COX18: variants seen among roughly 807,000 people sequenced by gnomAD.
COX18 encodes cytochrome c oxidase assembly protein COX18, mitochondrial.
In COX18, 45 loss-of-function variants were observed where a neutral mutation model predicts 38.0. The ratio of observed to expected loss-of-function variants is 1.18; its 90% CI spans 0.93 to 1.52. The LOEUF is 1.52. Among genes scored for constraint, COX18 ranks in the 40% most tolerant of loss-of-function variants. COX18 has a pLI of 0.00. For synonymous variants in COX18, 177 were observed against 169.8 expected (o/e 1.04, Z -0.33); for missense variants, 462 against 423.8 (o/e 1.09, Z -0.79).
intron 2 of COX18, among the ~76,000 whole-genome samples, chr4:73,066,361 G>A (rs112216433): frequency 6.8e-4 from 103 of 152,228 alleles, no homozygotes; most frequent in African/African-American, 1.3e-3. Flanking sequence ...CTGACACACC[G>A]TCTTTTACCC....
chr4:73,068,774 C>T (rs980571263), intron 1 of COX18: 3 of 153,310 alleles, frequency 2.0e-5, no homozygotes, highest in Non-Finnish European at 2.9e-5. Context: ...GAAGGTACTG[C>T]TAGCCTGATT....
rs1446064375 is a variant in COX18 at position 73,053,497 on chromosome 4, G to C, written c.*4617C>G. 6.6e-6 allele frequency: 1 copy of C among 152,214 alleles called. No homozygotes were observed. 9.4% of individuals were successfully genotyped at this position (152,214 alleles called of 1,614,324 possible). Reference sequence around the variant, plus strand: ...TGTGCTAGGAGATAAATTACCTGCTGTAACTGCCCCAGGTGTGCCTGCCCA... The same window carrying C: ...TGTGCTAGGAGATAAATTACCTGCTCTAACTGCCCCAGGTGTGCCTGCCCA... On this transcript the variant is annotated 3_prime_UTR_variant, in exon 6 of 6. Transcript: ENST00000507544.
At position 73,065,269 on chromosome 4, in the gene COX18, C is replaced by T. The variant is rs569913631; in HGVS notation, c.579G>A (p.Thr193=). ...AATTACCTTCTGAATGTGCTGCCCC[C>T]GTGCTTAAATTCCGGAGAGCAAAAG... The part of the protein sequence containing the change: ...FMSFALRNLS[T]GAAHSEAGFS... The change falls in exon 3 of 6, where the codon ACG becomes ACA. Residue 193 remains threonine (T), a synonymous_variant. Transcript: ENST00000507544. 1.2e-5 allele frequency: 19 copies of T among 1,612,774 alleles called. No homozygotes were observed. The highest frequency in any genetic ancestry group is 1.5e-5 in the Non-Finnish European group (18 of 1,179,656).
chr4:73,062,133 G>A (rs1720202733), intron 4 of COX18, among the ~76,000 whole-genome samples: 1 of 151,810 alleles, frequency 6.6e-6, no homozygotes, highest in South Asian at 2.1e-4. Context: ...CAGTTTAAGG[G>A]CTGGTCTCAA....
intron 2 of COX18, among the ~76,000 whole-genome samples, chr4:73,065,729 A>C (rs1370760798): frequency 1.3e-5 from 2 of 152,232 alleles, no homozygotes; most frequent in African/African-American, 4.8e-5. Flanking sequence ...ACTACAATTA[A>C]TATTGGAAAT....
intron 2 of COX18, among the ~76,000 whole-genome samples, chr4:73,066,363 C>G (rs774474816): frequency 3.3e-5 from 5 of 152,170 alleles, no homozygotes; most frequent in Non-Finnish European, 5.9e-5. Flanking sequence ...GACACACCGT[C>G]TTTTACCCTT....
chr4:73,058,365 A>T (rs1349423640), intron 5 of COX18, 78 bp from the exon 6 acceptor site: 1 of 1,096,056 alleles, frequency 9.1e-7, no homozygotes. Context: ...AAATAAAATG[A>T]CAATCTTTGT....
At chr4:73,064,715 G>A in intron 4 of COX18, 63 bp downstream of exon 4, 2 of 1,576,600 alleles carry the variant, frequency 1.3e-6, no homozygotes, top group Non-Finnish European at 1.7e-6. Flanking sequence ...CAGATTTGAA[G>A]TCAAAACAGC....
chr4:73,061,537 T>C (rs1720154103), intron 5 of COX18, among the ~76,000 whole-genome samples: 1 of 151,604 alleles, frequency 6.6e-6, no homozygotes, highest in African/African-American at 2.4e-5. Context: ...TGAAACCCCG[T>C]CTCTACCAAA....
chr4:73,068,251 T>C (rs561684164), intron 1 of COX18, 122 bp from the exon 2 acceptor site: 10 of 623,532 alleles, frequency 1.6e-5, no homozygotes, highest in East Asian at 3.2e-5. Context: ...TATCAAGAAA[T>C]CTTAATTCTA....
intron 4 of COX18, 73 bp downstream of exon 4, chr4:73,064,705 C>A: frequency 6.5e-7 from 1 of 1,548,986 alleles, no homozygotes. Context: ...CAAACAAAAA[C>A]AGATTTGAAG....
In COX18 at chr4:73,055,666, C is replaced by G. The variant is rs1195724754; in HGVS notation, c.*2448G>C. On this transcript the variant is annotated 3_prime_UTR_variant, in exon 6 of 6. Coordinates refer to ENST00000507544, the MANE Select transcript of COX18 (RefSeq NM_001297732.2). ...AGGATACATGTTTACGGTATGAGAG[C>G]TGAAACTAGAAGGCAGAGTACCATT... is the stretch of plus-strand genomic sequence containing the variant. 6.6e-6 allele frequency: 1 copy of G among 152,126 alleles called. No individual in the cohort carries two copies. Among genetic ancestry groups the G allele is most frequent in the Non-Finnish European group, 1.5e-5 (1 of 68,030 alleles). The allele number at this position is 152,126 out of a possible 1,614,324, so 9.4% of individuals were successfully genotyped here.
intron 2 of COX18, 39 bp downstream of exon 2, chr4:73,067,990 A>T: frequency 1.3e-6 from 1 of 790,648 alleles, no homozygotes; most frequent in Non-Finnish European, 2.0e-6. Context: ...GTGTGTGTGT[A>T]TGTGTGCGTA....
chr4:73,065,994 G>C (rs184001277), intron 2 of COX18, among the ~76,000 whole-genome samples: 1 of 152,172 alleles, frequency 6.6e-6, no homozygotes, highest in African/African-American at 2.4e-5. Flanking sequence ...AGGTCCAAGA[G>C]AATAGGAGTT....
chr4:73,063,450 G>A lies in COX18; in HGVS notation c.723+1328C>T, dbSNP rs188785252. Among the ~76,000 whole-genome samples, 6 of 152,314 alleles carry A rather than the reference G, an allele frequency of 3.9e-5. No individual in the cohort carries two copies. In the East Asian group the frequency reaches 1.2e-3, roughly 29 times the overall value. On this transcript the variant is annotated intron_variant, in intron 4 of 5. Coordinates refer to ENST00000507544, the MANE Select transcript of COX18 (RefSeq NM_001297732.2). ...CTGTCGCCCAGGCTAGAGTACAGTG[G>A]TGGGATCACAACTCACTGCAGCCTC...
rs1466110600 is a variant in COX18, at chr4:73,053,498, T to TA, written c.*4615dup. On this transcript the variant is annotated 3_prime_UTR_variant, in exon 6 of 6. Transcript: ENST00000507544. ...GTGCTAGGAGATAAATTACCTGCTG[T>TA]AACTGCCCCAGGTGTGCCTGCCCAC... 2.0e-5 allele frequency: 3 copies of TA among 152,208 alleles called. No individual in the cohort carries two copies. Among genetic ancestry groups the TA allele is most frequent in the Non-Finnish European group, 4.4e-5 (3 of 68,048 alleles). 9.4% of individuals were successfully genotyped at this position (152,208 alleles called of 1,614,324 possible). A position where few individuals can be genotyped will look rare whatever the true frequency, so the allele number is the denominator to read the frequency against.
At chr4:73,063,612 A>G (rs1577952773) in intron 4 of COX18, among the ~76,000 whole-genome samples, 1 of 152,200 alleles carries the variant, frequency 6.6e-6, no homozygotes. Flanking sequence ...GGGGATTGAC[A>G]TTGATTCACT....
intron 2 of COX18, among the ~76,000 whole-genome samples, chr4:73,066,427 C>T (rs1024143486): frequency 1.3e-5 from 2 of 152,136 alleles, no homozygotes; most frequent in Non-Finnish European, 2.9e-5. Context: ...GTGGCTTGCA[C>T]TTGTAATTCC....
intron 2 of COX18, among the ~76,000 whole-genome samples, chr4:73,066,037 G>A (rs1441091990): frequency 6.6e-6 from 1 of 152,092 alleles, no homozygotes; most frequent in Non-Finnish European, 1.5e-5. Flanking sequence ...CTTAGTTTAG[G>A]GGACAGTGTT....
Sources: gnomAD v4.1 joint callset for allele counts (sites outside exome capture counted in the v4.1 genomes callset) on GRCh38, gnomAD v4.1.1 for gene constraint, MANE v1.5 for transcripts, NCBI Gene and HGNC (gene_info 2026-07-23, HGNC 2026-07-21) for gene names.